LRRTM4: variants seen among roughly 807,000 people sequenced by gnomAD.
LRRTM4 encodes leucine rich repeat transmembrane neuronal 4, also known as leucine-rich repeat transmembrane neuronal protein 4.
Under a neutral mutation model 47.6 loss-of-function variants are expected in LRRTM4, and 25 were observed. The observed-to-expected ratio is 0.53, with a 90% CI of 0.38 to 0.73. The LOEUF (loss-of-function observed/expected upper bound fraction) is 0.73, where lower values mean the gene tolerates loss of function less well. Ranked by LOEUF, LRRTM4 falls within the 30% of genes least tolerant of loss-of-function variation. The pLI, the probability that LRRTM4 is intolerant of heterozygous loss-of-function variation, is 0.00. For synonymous variants in LRRTM4, 311 were observed against 269.5 expected, an observed-to-expected ratio of 1.15 and a Z score of -1.51; for missense variants, 638 against 713.4, an observed-to-expected ratio of 0.89 and a Z score of 1.20.
At chr2:77,481,580 A>T (rs1341202949) in intron 3 of LRRTM4, among the ~76,000 whole-genome samples, 5 of 152,180 alleles carry the variant, frequency 3.3e-5, no homozygotes, top group Admixed American at 3.3e-4. Context: ...CAGAGAAAAA[A>T]AAAAGCATGT....
intron 3 of LRRTM4, among the ~76,000 whole-genome samples, chr2:77,326,391 T>C (rs1670776748): frequency 6.6e-6 from 1 of 152,080 alleles, no homozygotes; most frequent in African/African-American, 2.4e-5. Flanking sequence ...TCTTCTTAAT[T>C]TTACTTTTAT....
intron 3 of LRRTM4, among the ~76,000 whole-genome samples, chr2:77,446,364 G>T (rs1676050566): frequency 6.6e-6 from 1 of 151,866 alleles, no homozygotes; most frequent in South Asian, 2.1e-4. Context: ...TCCATAAATT[G>T]TCCATTATCC....
intron 3 of LRRTM4, among the ~76,000 whole-genome samples, chr2:77,446,866 GAGGACTCACAAAGGTATCCAAAA>G (rs1676073611): frequency 6.6e-6 from 1 of 152,070 alleles, no homozygotes; most frequent in Admixed American, 6.6e-5. Flanking sequence ...CTCAGGCTTT[GAGGACTCACAAAGGTATCCAAAA>G]TTATGGAAAC....
chr2:76,784,301 A>ATT (rs1674557988), intron 3 of LRRTM4, among the ~76,000 whole-genome samples: 2 of 152,060 alleles, frequency 1.3e-5, no homozygotes, highest in Admixed American at 1.3e-4. Context: ...TACTTTGAAA[A>ATT]ATATTATGGA....
intron 3 of LRRTM4, among the ~76,000 whole-genome samples, chr2:77,095,454 AT>A (rs1670780427): frequency 6.6e-6 from 1 of 151,946 alleles, no homozygotes; most frequent in Admixed American, 6.6e-5. Context: ...CTGCACTCCC[AT>A]GTTCATGGTA....
chr2:77,151,506 T>C (rs950005279), intron 3 of LRRTM4, among the ~76,000 whole-genome samples: 2 of 152,182 alleles, frequency 1.3e-5, no homozygotes, highest in Non-Finnish European at 2.9e-5. Context: ...TTATTCATAA[T>C]AGCCAAAATG....
chr2:76,950,831 A>G (rs141967217), intron 3 of LRRTM4, among the ~76,000 whole-genome samples: 1 of 152,152 alleles, frequency 6.6e-6, no homozygotes, highest in East Asian at 1.9e-4. Context: ...AGATTCAGCC[A>G]TATTAAGACT....
intron 3 of LRRTM4, among the ~76,000 whole-genome samples, chr2:77,501,138 GTA>G (rs1678557269): frequency 6.7e-6 from 1 of 150,236 alleles, no homozygotes; most frequent in African/African-American, 2.4e-5. Flanking sequence ...TTTTATATAT[GTA>G]TATATATCAT....
intron 3 of LRRTM4, among the ~76,000 whole-genome samples, chr2:77,254,389 C>A (rs1675705894): frequency 6.6e-6 from 1 of 151,526 alleles, no homozygotes; most frequent in African/African-American, 2.4e-5. Context: ...CAAAACAAAA[C>A]AAAAGTGAAC....
intron 3 of LRRTM4, among the ~76,000 whole-genome samples, chr2:76,909,785 A>T (rs1305945288): frequency 1.3e-5 from 2 of 152,168 alleles, no homozygotes; most frequent in East Asian, 3.8e-4. Context: ...GCAAATCAAA[A>T]CCACAGTGAG....
chr2:76,766,963 G>A lies in LRRTM4; in HGVS notation c.1552-18047C>T, dbSNP rs548154161. On this transcript the variant is annotated intron_variant, in intron 3 of 3. Transcript: ENST00000409884. ...TAGATCTTGCTAGATGAGCCCTCTAGACAAGCCCTCCTTCACAGCTACAGC... is the reference window on the plus strand; with the variant it reads ...TAGATCTTGCTAGATGAGCCCTCTAAACAAGCCCTCCTTCACAGCTACAGC... Among the ~76,000 whole-genome samples, 3 of 152,272 alleles carry A rather than the reference G, an allele frequency of 2.0e-5. No homozygotes were observed. In the East Asian group the frequency reaches 5.8e-4, roughly 29 times the overall value.
At chr2:77,346,890 T>G (rs1671582047) in intron 3 of LRRTM4, among the ~76,000 whole-genome samples, 1 of 152,128 alleles carries the variant, frequency 6.6e-6, no homozygotes, top group Non-Finnish European at 1.5e-5. Flanking sequence ...TTATATTTCT[T>G]TAATATGCAC....
chr2:77,285,049 C>T (rs187054799), intron 3 of LRRTM4, among the ~76,000 whole-genome samples: 6 of 151,966 alleles, frequency 3.9e-5, no homozygotes, highest in Non-Finnish European at 7.4e-5. Context: ...TTATTCCTGG[C>T]GGTTCAGGAT....
chr2:77,079,980 A>T (rs150853084), intron 3 of LRRTM4, among the ~76,000 whole-genome samples: 1 of 152,232 alleles, frequency 6.6e-6, no homozygotes, highest in Admixed American at 6.5e-5. Flanking sequence ...TTTCCAACAA[A>T]ATTCTCCAAA....
chr2:76,969,720 T>C (rs1676155052), intron 3 of LRRTM4, among the ~76,000 whole-genome samples: 1 of 151,998 alleles, frequency 6.6e-6, no homozygotes, highest in Non-Finnish European at 1.5e-5. Context: ...GGTAATAATA[T>C]TTGAGTACTT....
chr2:76,773,459 C>A (rs879310579), intron 3 of LRRTM4, among the ~76,000 whole-genome samples: 8 of 152,078 alleles, frequency 5.3e-5, no homozygotes, highest in Non-Finnish European at 1.5e-5. Context: ...TCAGTGAAAG[C>A]TAGTATATTA....
intron 3 of LRRTM4, among the ~76,000 whole-genome samples, chr2:77,314,386 T>A (rs1462801847): frequency 6.6e-6 from 1 of 152,190 alleles, no homozygotes; most frequent in Non-Finnish European, 1.5e-5. Context: ...TAAAACAAAA[T>A]GCATATCAAC....
chr2:76,928,897 T>C (rs1674675843), intron 3 of LRRTM4, among the ~76,000 whole-genome samples: 1 of 152,162 alleles, frequency 6.6e-6, no homozygotes, highest in South Asian at 2.1e-4. Flanking sequence ...TTTCCTGTGA[T>C]TGTTTCTATG....
At chr2:77,193,845 G>A (rs1287827755) in intron 3 of LRRTM4, among the ~76,000 whole-genome samples, 1 of 152,152 alleles carries the variant, frequency 6.6e-6, no homozygotes, top group Non-Finnish European at 1.5e-5. Context: ...ACACTGACCT[G>A]CGTTTATATC....
Sources: gnomAD v4.1 joint callset for allele counts (sites outside exome capture counted in the v4.1 genomes callset) on GRCh38, gnomAD v4.1.1 for gene constraint, MANE v1.5 for transcripts, NCBI Gene and HGNC (gene_info 2026-07-23, HGNC 2026-07-21) for gene names.